Variants in AZIN1 observed in about 807,000 individuals in gnomAD.
AZIN1 encodes the protein antizyme inhibitor 1.
AZIN1 carries 12 observed loss-of-function variants against 47.4 expected under a neutral mutation model. The ratio of observed to expected loss-of-function variants is 0.25; its 90% CI spans 0.16 to 0.41. The LOEUF is 0.41. Among genes scored for constraint, AZIN1 ranks in the 10% least tolerant of loss-of-function variants. AZIN1 has a pLI of 1.00. For synonymous variants in AZIN1, 155 were observed against 176.3 expected, an observed-to-expected ratio of 0.88 and a Z score of 0.96; for missense variants, 410 against 532.4, an observed-to-expected ratio of 0.77 and a Z score of 2.26.
In AZIN1 at chr8:102,826,582, A is replaced by G. The variant is rs887391268; in HGVS notation, c.*1985T>C. 2.0e-5 allele frequency: 3 copies of G among 152,660 alleles called. No individual in the cohort carries two copies. The highest frequency in any genetic ancestry group is 4.4e-5 in the Non-Finnish European group (3 of 68,038). The allele number at this position is 152,660 out of a possible 1,614,324, so 9.5% of individuals were successfully genotyped here. On this transcript the variant is annotated 3_prime_UTR_variant, in exon 12 of 12. Coordinates refer to ENST00000337198, the MANE Select transcript of AZIN1 (RefSeq NM_148174.4). ...TTTATGGCAAACAGTCTTCAAATACAATACAGACATTTCTTAAAAGTTACC... is the reference window on the plus strand; with the variant it reads ...TTTATGGCAAACAGTCTTCAAATACGATACAGACATTTCTTAAAAGTTACC...
At chr8:102,843,013 T>C (rs541001117) in intron 3 of AZIN1, among the ~76,000 whole-genome samples, 2 of 151,984 alleles carry the variant, frequency 1.3e-5, no homozygotes, top group South Asian at 4.2e-4. Flanking sequence ...GGTCAGGAGT[T>C]CAAGACCAGC....
At chr8:102,855,407 C>T (rs1813222198) in intron 2 of AZIN1, 1 of 152,078 alleles carries the variant, frequency 6.6e-6, no homozygotes, top group African/African-American at 2.4e-5. Context: ...CAATTAGGGG[C>T]CCATTAATCT....
intron 2 of AZIN1, among the ~76,000 whole-genome samples, chr8:102,854,294 G>GCAAATT (rs1813123520): frequency 6.6e-6 from 1 of 151,876 alleles, no homozygotes; most frequent in South Asian, 2.1e-4. Flanking sequence ...AGGAGTACTA[G>GCAAATT]CAAATTCGTA....
rs559980755 is a variant in AZIN1 at position 102,832,985 on chromosome 8, C to T, written c.904+71G>A. The T allele has an allele frequency of 1.6e-3, 2,185 of 1,350,250 alleles. 4 individuals are homozygous for T. Among genetic ancestry groups the T allele is most frequent in the Non-Finnish European group, 2.0e-3 (1,965 of 966,824 alleles). 83.6% of individuals were successfully genotyped at this position (1,350,250 alleles called of 1,614,324 possible). ...CTGAAAACCACCTACAACTTCATGA[C>T]CATCTGCTCATTTCCAGACTAACTG... On this transcript the variant is annotated intron_variant, in intron 9 of 11. Transcript: ENST00000337198.
chr8:102,845,160 C>T (rs1563541557), intron 2 of AZIN1, among the ~76,000 whole-genome samples: 1 of 151,956 alleles, frequency 6.6e-6, no homozygotes, highest in African/African-American at 2.4e-5. Context: ...CCCTAATGCC[C>T]CAAACTAGAG....
At position 102,849,394 on chromosome 8, in the gene AZIN1, G is replaced by A. The variant is rs547007060; in HGVS notation, c.-95-5647C>T. Among the ~76,000 whole-genome samples the A allele has an allele frequency of 2.0e-5, 3 of 152,294 alleles. No individual in the cohort carries two copies. In the South Asian group the frequency reaches 6.2e-4, roughly 32 times the overall value. On this transcript the variant is annotated intron_variant, in intron 2 of 11. Coordinates refer to ENST00000337198, the MANE Select transcript of AZIN1 (RefSeq NM_148174.4). ...GACTCAAACCAAGGTGATATATCAA[G>A]TATCTCCTTGCAATTCTGAGTGGAA...
intron 3 of AZIN1, among the ~76,000 whole-genome samples, chr8:102,841,805 T>TATA (rs1554581318): frequency 5.2e-5 from 6 of 114,400 alleles, no homozygotes; most frequent in Admixed American, 2.8e-4. Flanking sequence ...TATATATATA[T>TATA]AAAAAAAAAA....
chr8:102,850,784 A>C (rs1208173892), intron 2 of AZIN1, among the ~76,000 whole-genome samples: 1 of 152,214 alleles, frequency 6.6e-6, no homozygotes, highest in African/African-American at 2.4e-5. Context: ...AAAACTGAGT[A>C]ACCTTAGAGG....
chr8:102,837,816 A>C (rs1811917185), intron 5 of AZIN1, among the ~76,000 whole-genome samples: 1 of 152,212 alleles, frequency 6.6e-6, no homozygotes, highest in African/African-American at 2.4e-5. Context: ...AACACACATA[A>C]CTCATTAAAA....
intron 7 of AZIN1, 31 bp from the exon 8 acceptor site, chr8:102,834,294 T>C (rs780439920): frequency 6.4e-7 from 1 of 1,573,766 alleles, no homozygotes; most frequent in South Asian, 1.1e-5. Flanking sequence ...TTTAAATGTT[T>C]TTCCAAATTG....
chr8:102,856,102 T>G (rs1201288669), intron 2 of AZIN1: 8 of 151,028 alleles, frequency 5.3e-5, no homozygotes, highest in South Asian at 2.1e-4. Context: ...TGTTTTTTTT[T>G]TTTTTTCCCA....
intron 2 of AZIN1, chr8:102,856,084 G>T (rs1813265989): frequency 2.2e-5 from 3 of 134,074 alleles, no homozygotes; most frequent in Admixed American, 7.5e-5. Context: ...TCCAGGTCAA[G>T]TTTTTTTTGT....
chr8:102,846,396 CCTG>C (rs1406065345), intron 2 of AZIN1, among the ~76,000 whole-genome samples: 1 of 152,178 alleles, frequency 6.6e-6, no homozygotes, highest in Non-Finnish European at 1.5e-5. Flanking sequence ...ACTCTGACTG[CCTG>C]CTAAGCTAGC....
chr8:102,826,396 C>T lies in AZIN1; in HGVS notation c.*2171G>A, dbSNP rs1811114222. 1 of 152,612 alleles carries T rather than the reference C, an allele frequency of 6.6e-6. No homozygotes were observed. The highest frequency in any genetic ancestry group is 1.5e-5 in the Non-Finnish European group (1 of 68,034). 9.5% of individuals were successfully genotyped at this position (152,612 alleles called of 1,614,324 possible). ...ATTTATCTATGTATTCAGAATCACACACAAGTTACCTTTACAGTTCAATTT... is the reference window on the plus strand; with the variant it reads ...ATTTATCTATGTATTCAGAATCACATACAAGTTACCTTTACAGTTCAATTT... On this transcript the variant is annotated 3_prime_UTR_variant, in exon 12 of 12. Coordinates refer to ENST00000337198, the MANE Select transcript of AZIN1 (RefSeq NM_148174.4).
chr8:102,828,488 A>G lies in AZIN1; in HGVS notation c.*79T>C. ...AAGAATTAAGAGAATAAGATTGTTT[A>G]AATTATTTTTCCACACTGGAATGTT... On this transcript the variant is annotated 3_prime_UTR_variant, in exon 12 of 12. Transcript: ENST00000337198. 3 of 919,088 alleles carry G rather than the reference A, an allele frequency of 3.3e-6. No homozygotes were observed. The South Asian group carries it at 5.5e-5, about 17-fold the overall frequency. The allele number at this position is 919,088 out of a possible 1,614,324, so 56.9% of individuals were successfully genotyped here.
intron 2 of AZIN1, among the ~76,000 whole-genome samples, chr8:102,847,315 G>C (rs952980829): frequency 3.5e-5 from 5 of 143,202 alleles, no homozygotes; most frequent in Non-Finnish European, 1.5e-5. Flanking sequence ...AGAAGTTTGA[G>C]ATCAGCCTGA....
rs1480071192 is a variant in AZIN1 at position 102,843,646 on chromosome 8, C to G, written c.7G>C (p.Gly3Arg). Residue 3 changes from glycine to arginine, a missense_variant, in exon 3 of 12, where the codon GGA becomes CGA. Physicochemically the swap from Gly to Arg is moderately radical, Grantham distance 125. Around this residue, in one of 3 missense-constraint regions of AZIN1, gnomAD observed 237 missense variants for 309.4 expected, o/e 0.77. Transcript: ENST00000337198. MK[G>R]FIDDANYSVG... ...GAGTAGTTTGCATCATCAATAAATC[C>G]TTTCATCTCAGCCGTATTCCACAAA... 1 of 1,613,916 alleles carries G rather than the reference C, an allele frequency of 6.2e-7. No individual in the cohort carries two copies.
intron 11 of AZIN1, 80 bp from the exon 12 acceptor site, chr8:102,828,758 A>G: frequency 1.2e-6 from 1 of 861,588 alleles, no homozygotes; most frequent in South Asian, 1.6e-5. Context: ...ATAATAAAAC[A>G]GGATTATAAC....
chr8:102,855,438 T>G (rs1813222917), intron 2 of AZIN1: 1 of 152,224 alleles, frequency 6.6e-6, no homozygotes, highest in Non-Finnish European at 1.5e-5. Context: ...CCTTAAAATA[T>G]TTTGTTAAGA....
Sources: gnomAD v4.1 joint callset for allele counts (sites outside exome capture counted in the v4.1 genomes callset) on GRCh38, gnomAD v4.1.1 for gene constraint, gnomAD v4.1.1 regional missense constraint, MANE v1.5 for transcripts, NCBI Gene and HGNC (gene_info 2026-07-23, HGNC 2026-07-21) for gene names.